Variants in MAST4 observed in about 807,000 individuals in gnomAD.
MAST4 encodes the protein microtubule associated serine/threonine kinase family member 4.
A neutral mutation model predicts 162.7 loss-of-function variants in MAST4; 89 were observed. That is an observed-to-expected ratio of 0.55 (90% confidence interval 0.46 to 0.65). MAST4 has a LOEUF of 0.65. Among genes scored for constraint, MAST4 ranks in the 30% least tolerant of loss-of-function variants. MAST4 has a pLI of 0.00. For synonymous variants in MAST4, 1,479 were observed against 1,361.1 expected (o/e 1.09, Z -1.91); for missense variants, 3,153 against 3,374.0 (o/e 0.93, Z 1.62).
intron 2 of MAST4, among the ~76,000 whole-genome samples, chr5:66,778,180 T>G (rs1405535827): frequency 6.6e-6 from 1 of 152,178 alleles, no homozygotes; most frequent in East Asian, 1.9e-4. Flanking sequence ...TAGTGTAGAC[T>G]CTATTTAATA....
At chr5:67,034,050 G>A (rs984748342) in intron 4 of MAST4, among the ~76,000 whole-genome samples, 1 of 152,064 alleles carries the variant, frequency 6.6e-6, no homozygotes, top group African/African-American at 2.4e-5. Context: ...TAAACCAGTC[G>A]GCCGGTGACT....
chr5:66,730,322 T>C (rs2149553006), intron 1 of MAST4, among the ~76,000 whole-genome samples: 1 of 152,308 alleles, frequency 6.6e-6, no homozygotes, highest in Non-Finnish European at 1.5e-5. Flanking sequence ...CAAATGATGA[T>C]GATGTCAACT....
chr5:66,958,121 T>TTTG (rs1745545043), intron 4 of MAST4, among the ~76,000 whole-genome samples: 1 of 151,628 alleles, frequency 6.6e-6, no homozygotes, highest in South Asian at 2.1e-4. Flanking sequence ...CTCTCTCTCT[T>TTTG]TGTGTGTGTG....
chr5:66,660,783 C>T (rs1177923390), intron 1 of MAST4, among the ~76,000 whole-genome samples: 1 of 152,102 alleles, frequency 6.6e-6, no homozygotes, highest in African/African-American at 2.4e-5. Flanking sequence ...AATTATATTG[C>T]TAATTACTAA....
At chr5:66,913,655 G>C (rs138574243) in intron 4 of MAST4, among the ~76,000 whole-genome samples, 84 of 152,294 alleles carry the variant, frequency 5.5e-4, no homozygotes, top group African/African-American at 1.6e-3. Context: ...AAGAGCAAAA[G>C]CTTTATTAAT....
At chr5:67,150,934 A>AC (rs1771721080) in intron 24 of MAST4, among the ~76,000 whole-genome samples, 1 of 152,168 alleles carries the variant, frequency 6.6e-6, no homozygotes, top group Non-Finnish European at 1.5e-5. Flanking sequence ...ATAAGAATTG[A>AC]AATAGTGGGT....
In MAST4 at chr5:66,709,294, T is replaced by G. The variant is rs962552614; in HGVS notation, c.364-50415T>G. ...ACTTTATAGGCACCAGGGAATTTGT[T>G]ATGTTCAGGAATACTGAAGCATCAA... On this transcript the variant is annotated intron_variant, in intron 1 of 28. Coordinates refer to ENST00000403625, the MANE Select transcript of MAST4 (RefSeq NM_001164664.2). Among the ~76,000 whole-genome samples, 66 of 152,330 alleles carry G rather than the reference T, an allele frequency of 4.3e-4. 1 individual carries two copies. The highest frequency in any genetic ancestry group is 1.5e-3 in the African/African-American group (62 of 41,582).
chr5:66,618,033 T>TGG (rs66792189), intron 1 of MAST4, among the ~76,000 whole-genome samples: 5,414 of 143,592 alleles, frequency 0.038, 160 homozygotes, highest in Admixed American at 0.097. Flanking sequence ...CTGGGAGGAA[T>TGG]GGGGGGGGGG....
chr5:66,861,151 G>C (rs970443168), intron 3 of MAST4, among the ~76,000 whole-genome samples: 1 of 152,228 alleles, frequency 6.6e-6, no homozygotes, highest in Non-Finnish European at 1.5e-5. Context: ...GGGATCCGAG[G>C]TATCAGTGGT....
chr5:66,904,182 C>A (rs1763194968), intron 4 of MAST4, among the ~76,000 whole-genome samples: 1 of 152,060 alleles, frequency 6.6e-6, no homozygotes, highest in Non-Finnish European at 1.5e-5. Context: ...AAGGAAGGTG[C>A]AAAAAGTGGA....
intron 3 of MAST4, among the ~76,000 whole-genome samples, chr5:66,848,688 CCCG>C (rs1759072352): frequency 6.6e-6 from 1 of 152,138 alleles, no homozygotes; most frequent in Non-Finnish European, 1.5e-5. Context: ...AACAGAAAAT[CCCG>C]CCTAGTGATT....
intron 3 of MAST4, among the ~76,000 whole-genome samples, chr5:66,829,613 C>G (rs941875895): frequency 6.6e-6 from 1 of 151,986 alleles, no homozygotes; most frequent in Non-Finnish European, 1.5e-5. Flanking sequence ...ATGGTTAACT[C>G]CTGCATAACT....
intron 3 of MAST4, among the ~76,000 whole-genome samples, chr5:66,822,625 G>T (rs558048142): frequency 3.9e-5 from 6 of 152,204 alleles, no homozygotes; most frequent in Non-Finnish European, 7.4e-5. Context: ...GCCCAGGGGG[G>T]TATCTCTAGT....
At chr5:66,742,585 G>T (rs1016328397) in intron 1 of MAST4, among the ~76,000 whole-genome samples, 1 of 152,130 alleles carries the variant, frequency 6.6e-6, no homozygotes, top group Non-Finnish European at 1.5e-5. Flanking sequence ...AGACTCAAGG[G>T]ACTCTTGACA....
intron 3 of MAST4, among the ~76,000 whole-genome samples, chr5:66,827,592 G>C (rs1023603927): frequency 1.3e-5 from 2 of 152,150 alleles, no homozygotes; most frequent in Non-Finnish European, 2.9e-5. Context: ...CAGGTGAATG[G>C]GTAGGGAACC....
At position 66,715,662 on chromosome 5, in the gene MAST4, A is replaced by C. The variant is rs1019814192; in HGVS notation, c.364-44047A>C. Among the ~76,000 whole-genome samples the C allele has an allele frequency of 2.8e-5, 4 of 140,752 alleles. 1 individual carries two copies. The highest frequency in any genetic ancestry group is 1.5e-4 in the Admixed American group (2 of 13,100). 92.3% of individuals were successfully genotyped at this position (140,752 alleles called of 152,430 possible). On this transcript the variant is annotated intron_variant, in intron 1 of 28. Coordinates refer to ENST00000403625, the MANE Select transcript of MAST4 (RefSeq NM_001164664.2). ...TTGTGCACATGTACCCTAAAACTTA[A>C]AGTATAATAATAATAAAATAAAAAT... is the stretch of plus-strand genomic sequence containing the variant.
Position 67,138,183 on chromosome 5 carries a change from T to C in MAST4, c.2494+1519T>C, listed in dbSNP as rs138293005. On this transcript the variant is annotated intron_variant, in intron 19 of 28. Transcript: ENST00000403625. ...TGTGAAAAGGAGCTTTCCGAAGTGC[T>C]ACCTCATAGGATTATTATAAGGATA... 1.7e-3 allele frequency among the ~76,000 whole-genome samples: 262 copies of C among 152,340 alleles called. 2 individuals carry two copies. The Middle Eastern group carries it at 0.02, about 12-fold the overall frequency.
At chr5:66,715,767 T>C (rs1263990292) in intron 1 of MAST4, among the ~76,000 whole-genome samples, 1 of 150,368 alleles carries the variant, frequency 6.7e-6, no homozygotes, top group African/African-American at 2.4e-5. Flanking sequence ...GGAATTACTG[T>C]TGAAATATTG....
intron 4 of MAST4, among the ~76,000 whole-genome samples, chr5:66,904,132 G>T (rs1763190942): frequency 6.6e-6 from 1 of 152,188 alleles, no homozygotes; most frequent in Admixed American, 6.5e-5. Flanking sequence ...AATTACATTT[G>T]TAAGTGGAAA....
Sources: gnomAD v4.1 joint callset for allele counts (sites outside exome capture counted in the v4.1 genomes callset) on GRCh38, gnomAD v4.1.1 for gene constraint, MANE v1.5 for transcripts, NCBI Gene and HGNC (gene_info 2026-07-23, HGNC 2026-07-21) for gene names.